The following CACNA1I variants were observed in gnomAD, a reference collection of about 807,000 sequenced individuals.
CACNA1I encodes the protein voltage-dependent T-type calcium channel subunit alpha-1I.
CACNA1I carries 74 observed loss-of-function variants against 201.6 expected under a neutral mutation model. The observed-to-expected ratio is 0.37, with a 90% CI of 0.30 to 0.45. The LOEUF is 0.45. Among genes scored for constraint, CACNA1I ranks in the 20% least tolerant of loss-of-function variants. The pLI is 1.00. For missense variants in CACNA1I, 2,346 were observed against 3,138.1 expected (o/e 0.75, Z 6.03); for synonymous variants, 1,431 against 1,345.2 (o/e 1.06, Z -1.40).
rs1381435968 is a variant in CACNA1I, at chr22:39,686,806, C to G, written c.*401C>G. 2 of 151,702 alleles carry G rather than the reference C, an allele frequency of 1.3e-5. No homozygotes were observed. The highest frequency in any genetic ancestry group is 4.8e-5 in the African/African-American group (2 of 41,316). The allele number at this position is 151,702 out of a possible 1,614,324, so 9.4% of individuals were successfully genotyped here. The stretch of plus-strand genomic sequence containing the variant: ...CTCTGGGATTCTGGCCAGACCCACC[C>G]CAGGGCACATGTCCTGCGGGGGCGT... On this transcript the variant is annotated 3_prime_UTR_variant, in exon 37 of 37. Transcript: ENST00000402142.
intron 31 of CACNA1I, among the ~76,000 whole-genome samples, chr22:39,678,529 T>TA: frequency 6.6e-6 from 1 of 152,090 alleles, no homozygotes; most frequent in East Asian, 1.9e-4. Context: ...AGGACAGGGG[T>TA]AAGGCCTCGG....
chr22:39,590,079 C>G (rs1442557915), intron 1 of CACNA1I, among the ~76,000 whole-genome samples: 1 of 152,134 alleles, frequency 6.6e-6, no homozygotes, highest in Non-Finnish European at 1.5e-5. Flanking sequence ...TGGCTCGGCT[C>G]CTGGAGAGGA....
In CACNA1I at chr22:39,686,611, T is replaced by G; in HGVS notation, c.*206T>G. ...GGCCCTTCCAGTGCATATACATACATATATATATATATATGCATATATATA... is the reference window on the plus strand; with the variant it reads ...GGCCCTTCCAGTGCATATACATACAGATATATATATATATGCATATATATA... On this transcript the variant is annotated 3_prime_UTR_variant, in exon 37 of 37. Transcript: ENST00000402142. 1 of 18,552 alleles carries G rather than the reference T, an allele frequency of 5.4e-5. No homozygotes were observed. The allele number at this position is 18,552 out of a possible 1,614,324, so 1.1% of individuals were successfully genotyped here.
chr22:39,650,130 G>GCC (rs1348994844), intron 10 of CACNA1I, among the ~76,000 whole-genome samples: 1 of 152,028 alleles, frequency 6.6e-6, no homozygotes, highest in Non-Finnish European at 1.5e-5. Flanking sequence ...TTGGGTGTCT[G>GCC]CCGAATGAAT....
At chr22:39,671,585 T>G (rs1028678673) in intron 26 of CACNA1I, among the ~76,000 whole-genome samples, 25 of 152,074 alleles carry the variant, frequency 1.6e-4, no homozygotes, top group Non-Finnish European at 3.4e-4. Flanking sequence ...GAGGAGCAAG[T>G]GCATTCTAAA....
chr22:39,615,504 A>G (rs1933506522), intron 3 of CACNA1I, among the ~76,000 whole-genome samples: 1 of 152,116 alleles, frequency 6.6e-6, no homozygotes, highest in Non-Finnish European at 1.5e-5. Flanking sequence ...ACTGTCAGCA[A>G]GCTATCCCAG....
intron 3 of CACNA1I, among the ~76,000 whole-genome samples, chr22:39,605,098 AC>A (rs1207131384): frequency 1.1e-4 from 1 of 8,818 alleles, no homozygotes; most frequent in Admixed American, 1.2e-3. Flanking sequence ...CTGCCCACCC[AC>A]CCCCCAAATC....
intron 4 of CACNA1I, among the ~76,000 whole-genome samples, chr22:39,620,012 T>TCCATCCATCCATCCATCC (rs1555905399): frequency 1.1e-5 from 1 of 92,812 alleles, no homozygotes; most frequent in African/African-American, 4.5e-5. Flanking sequence ...TCCACCTGTC[T>TCCATCCATCCATCCATCC]ATCCATCCAT....
chr22:39,679,996 A>T, intron 33 of CACNA1I, 128 bp downstream of exon 33: 1 of 927,620 alleles, frequency 1.1e-6, no homozygotes, highest in Non-Finnish European at 1.6e-6. Flanking sequence ...GGGCACACGT[A>T]GCTTCCATGG....
chr22:39,579,407 G>T (rs1341742839), intron 1 of CACNA1I, among the ~76,000 whole-genome samples: 1 of 152,224 alleles, frequency 6.6e-6, no homozygotes, highest in Non-Finnish European at 1.5e-5. Flanking sequence ...CCCTACCCTA[G>T]CCCGCTTATG....
chr22:39,647,457 C>G (rs1162256903), intron 8 of CACNA1I, among the ~76,000 whole-genome samples: 4 of 152,194 alleles, frequency 2.6e-5, no homozygotes, highest in Non-Finnish European at 5.9e-5. Flanking sequence ...CAGGGTCACC[C>G]AGGGAGTACA....
rs529826036 is a variant in CACNA1I at position 39,646,602 on chromosome 22, G to A, written c.1183G>A (p.Val395Ile). The part of the protein sequence containing the change: ...GSFFMINLCL[V>I]VIATQFSETK... ...CTTCTTCATGATCAACCTGTGCCTC[G>A]TTGTCATAGCGACCCAGTTCTCGGA... The change falls in exon 8 of 37, where the codon GTT becomes ATT. Residue 395 changes from valine (V) to isoleucine (I), a missense_variant. Coordinates refer to ENST00000402142, the MANE Select transcript of CACNA1I (RefSeq NM_021096.4). 3.8e-6 allele frequency: 6 copies of A among 1,569,076 alleles called. No homozygotes were observed. Among genetic ancestry groups the A allele is most frequent in the Admixed American group, 3.8e-5 (2 of 53,286 alleles).
Position 39,648,473 on chromosome 22 carries a change from C to A in CACNA1I, c.1567+547C>A, listed in dbSNP as rs149591682. On this transcript the variant is annotated intron_variant, in intron 9 of 36. Transcript: ENST00000402142. This position sits in a 1 kb window ranked among gnomAD's most constrained non-coding sequence, Gnocchi z 5.4. ...AAAACGAGAGTTGGCTGTCGCCCCA[C>A]GTCCAGGTGGGAGCAGTGAGCCGGC... Among the ~76,000 whole-genome samples the A allele has an allele frequency of 6.6e-6, 1 of 152,042 alleles. No individual in the cohort carries two copies. The highest frequency in any genetic ancestry group is 1.5e-5 in the Non-Finnish European group (1 of 68,014).
intron 4 of CACNA1I, among the ~76,000 whole-genome samples, chr22:39,627,725 A>G (rs1445782463): frequency 6.6e-6 from 1 of 152,216 alleles, no homozygotes; most frequent in Non-Finnish European, 1.5e-5. Flanking sequence ...TGGGGAGAGC[A>G]GAAGGAAAGC....
At chr22:39,619,447 C>T in intron 4 of CACNA1I, 40 bp downstream of exon 4, 9 of 1,481,868 alleles carry the variant, frequency 6.1e-6, no homozygotes, top group Non-Finnish European at 8.4e-6. Flanking sequence ...CCTGGCTGAT[C>T]CATCCCTGGC....
intron 1 of CACNA1I, among the ~76,000 whole-genome samples, chr22:39,575,564 C>T (rs1442796498): frequency 6.6e-6 from 1 of 152,082 alleles, no homozygotes; most frequent in East Asian, 1.9e-4. Flanking sequence ...ACATTGTTTC[C>T]AAGGAACATC....
intron 3 of CACNA1I, among the ~76,000 whole-genome samples, chr22:39,606,381 C>T (rs567763814): frequency 6.6e-6 from 1 of 152,330 alleles, no homozygotes; most frequent in African/African-American, 2.4e-5. Flanking sequence ...ACCGTGGCCT[C>T]TTGGAGTCCT....
At position 39,680,999 on chromosome 22, in the gene CACNA1I, G is replaced by A. The variant is rs768853018; in HGVS notation, c.5611G>A (p.Asp1871Asn). The change falls in exon 34 of 37, where the codon GAC becomes AAC. Residue 1871 changes from aspartate to asparagine, a missense_variant. Asp to Asn is a conservative substitution (Grantham distance 23). Coordinates refer to ENST00000402142, the MANE Select transcript of CACNA1I (RefSeq NM_021096.4). Reference protein sequence around the residue: ...DRSSSILLGDDLSLEDPTACP... With the variant: ...DRSSSILLGDNLSLEDPTACP... ...GTCCTCGTCCATCCTGCTGGGTGAC[G>A]ACCTGAGTCTCGAGGACCCCACAGC... is the stretch of plus-strand genomic sequence containing the variant. 5.6e-6 allele frequency: 9 copies of A among 1,611,630 alleles called. No homozygotes were observed. Among genetic ancestry groups the A allele is most frequent in the Admixed American group, 3.3e-5 (2 of 59,886 alleles).
At chr22:39,605,978 A>G (rs988754493) in intron 3 of CACNA1I, among the ~76,000 whole-genome samples, 7 of 152,144 alleles carry the variant, frequency 4.6e-5, no homozygotes, top group Non-Finnish European at 1.0e-4. Flanking sequence ...GGATGGTATC[A>G]CTGACAAACT....
Sources: allele counts gnomAD v4.1 joint callset (sites outside exome capture counted in the v4.1 genomes callset), GRCh38; gene constraint gnomAD v4.1.1; non-coding constraint Gnocchi (gnomAD v3.1); transcripts MANE v1.5; gene names NCBI Gene and HGNC (gene_info 2026-07-23, HGNC 2026-07-21).